The following C10orf90 variants were observed in gnomAD, a reference collection of about 807,000 sequenced individuals.
The protein encoded by C10orf90 is chromosome 10 open reading frame 90.
In C10orf90, 56 loss-of-function variants were observed where a neutral mutation model predicts 62.5. That is an observed-to-expected ratio of 0.90 (90% CI 0.72 to 1.12). The LOEUF is 1.12. C10orf90 is among the 50% of genes most tolerant of loss of function. The pLI is 0.00. For synonymous variants in C10orf90, 386 were observed against 340.4 expected, an observed-to-expected ratio of 1.13 and a Z score of -1.47; for missense variants, 970 against 880.4, an observed-to-expected ratio of 1.10 and a Z score of -1.29.
chr10:126,537,550 G>A (rs1248798152), intron 2 of C10orf90, among the ~76,000 whole-genome samples: 1 of 152,080 alleles, frequency 6.6e-6, no homozygotes, highest in Non-Finnish European at 1.5e-5. Context: ...AAAAGCCTCG[G>A]GTCTGAGCTT....
chr10:126,656,343 C>T (rs1287328751), intron 1 of C10orf90, among the ~76,000 whole-genome samples: 7 of 152,140 alleles, frequency 4.6e-5, no homozygotes, highest in African/African-American at 1.7e-4. Context: ...TTCTCATACA[C>T]AGCTTACTCA....
intron 2 of C10orf90, among the ~76,000 whole-genome samples, chr10:126,594,976 G>T (rs1053725675): frequency 2.1e-4 from 32 of 152,126 alleles, no homozygotes; most frequent in Admixed American, 2.1e-3. Flanking sequence ...ACATGATCAG[G>T]TTCATGCTAA....
At chr10:126,470,376 C>T (rs976654193) in intron 4 of C10orf90, among the ~76,000 whole-genome samples, 1 of 152,180 alleles carries the variant, frequency 6.6e-6, no homozygotes, top group Non-Finnish European at 1.5e-5. Context: ...CCCAAAACCA[C>T]CTCCAATTAC....
At chr10:126,657,625 T>G (rs1846422531) in intron 1 of C10orf90, among the ~76,000 whole-genome samples, 1 of 151,622 alleles carries the variant, frequency 6.6e-6, no homozygotes, top group African/African-American at 2.4e-5. Context: ...TTTTTCTTTT[T>G]TTTTTTTGAG....
intron 2 of C10orf90, among the ~76,000 whole-genome samples, chr10:126,638,369 C>T (rs1239835228): frequency 6.6e-6 from 1 of 152,144 alleles, no homozygotes; most frequent in Non-Finnish European, 1.5e-5. Context: ...CCTCTGAGGA[C>T]TCTGTGTCCT....
At chr10:126,638,535 G>A (rs1403424757) in intron 2 of C10orf90, among the ~76,000 whole-genome samples, 1 of 152,026 alleles carries the variant, frequency 6.6e-6, no homozygotes, top group Non-Finnish European at 1.5e-5. Flanking sequence ...GTCTCATTCT[G>A]CCCACTCCTC....
chr10:126,537,356 G>C (rs906277767), intron 2 of C10orf90, among the ~76,000 whole-genome samples: 12 of 152,186 alleles, frequency 7.9e-5, no homozygotes, highest in African/African-American at 2.9e-4. Context: ...GAATGAGACA[G>C]TTTATGGCCT....
chr10:126,616,055 G>A (rs994627144), intron 2 of C10orf90, among the ~76,000 whole-genome samples: 1 of 152,334 alleles, frequency 6.6e-6, no homozygotes, highest in East Asian at 1.9e-4. Flanking sequence ...AGGCACAAAT[G>A]CGCATCATTT....
intron 2 of C10orf90, among the ~76,000 whole-genome samples, chr10:126,536,801 A>G (rs116628674): frequency 0.011 from 1,688 of 152,298 alleles, 40 homozygotes; most frequent in African/African-American, 0.038. Flanking sequence ...ACCTGGCCAC[A>G]CAAGGAGGCT....
intron 3 of C10orf90, among the ~76,000 whole-genome samples, chr10:126,505,586 G>A (rs1005090907): frequency 6.6e-6 from 1 of 152,120 alleles, no homozygotes. Context: ...CACATTTGCC[G>A]GTTTAGACTC....
intron 2 of C10orf90, among the ~76,000 whole-genome samples, chr10:126,516,325 G>A (rs529516633): frequency 6.6e-6 from 1 of 152,330 alleles, no homozygotes; most frequent in Non-Finnish European, 1.5e-5. Flanking sequence ...GATTGGCAAT[G>A]AGCAGGATCA....
intron 4 of C10orf90, among the ~76,000 whole-genome samples, chr10:126,495,783 A>G (rs953164914): frequency 6.6e-6 from 1 of 152,204 alleles, no homozygotes; most frequent in African/African-American, 2.4e-5. Flanking sequence ...ATCTGTATCT[A>G]GAATACTTTT....
chr10:126,542,883 T>C (rs1448594580), intron 2 of C10orf90, among the ~76,000 whole-genome samples: 3 of 152,242 alleles, frequency 2.0e-5, no homozygotes, highest in Non-Finnish European at 4.4e-5. Context: ...CTTATAGGAT[T>C]CAATGCCACA....
rs187215440 is a variant in C10orf90, at chr10:126,612,598, G to A, written c.313+33967C>T. Reference sequence around the variant, plus strand: ...AATTCTTAGGGATGCCAGATAAAAGGGTGTCTTTTTTATGTAGAAAAGCAC... The same window carrying A: ...AATTCTTAGGGATGCCAGATAAAAGAGTGTCTTTTTTATGTAGAAAAGCAC... On this transcript the variant is annotated intron_variant, in intron 2 of 9. Coordinates refer to ENST00000488181, the MANE Select transcript of C10orf90 (RefSeq NM_001350921.2). Among the ~76,000 whole-genome samples the A allele has an allele frequency of 1.3e-3, 203 of 152,242 alleles. 1 individual carries two copies. Among genetic ancestry groups the A allele is most frequent in the African/African-American group, 4.4e-3 (184 of 41,552 alleles).
chr10:126,551,144 C>A (rs1294741474), intron 2 of C10orf90, among the ~76,000 whole-genome samples: 1 of 152,204 alleles, frequency 6.6e-6, no homozygotes, highest in Non-Finnish European at 1.5e-5. Context: ...AGCTGTAAAA[C>A]CTTGAAGAGG....
chr10:126,611,283 G>C (rs1473346661), intron 2 of C10orf90, among the ~76,000 whole-genome samples: 1 of 152,104 alleles, frequency 6.6e-6, no homozygotes, highest in Non-Finnish European at 1.5e-5. Context: ...CCTTCCCTTA[G>C]CATAATGTAC....
At chr10:126,550,926 C>T (rs1400577508) in intron 2 of C10orf90, among the ~76,000 whole-genome samples, 3 of 152,174 alleles carry the variant, frequency 2.0e-5, no homozygotes, top group Non-Finnish European at 4.4e-5. Flanking sequence ...GATTAATGTG[C>T]CTCTCTTCTG....
chr10:126,442,505 A>ATATATATATATATATATATC (rs1590905259), intron 7 of C10orf90, among the ~76,000 whole-genome samples: 1 of 111,080 alleles, frequency 9.0e-6, no homozygotes, highest in East Asian at 2.8e-4. Flanking sequence ...ATATATATAT[A>ATATATATATATATATATATC]TATCTGTTAA....
intron 2 of C10orf90, among the ~76,000 whole-genome samples, chr10:126,600,924 A>G (rs954679660): frequency 2.0e-5 from 3 of 152,244 alleles, no homozygotes; most frequent in African/African-American, 4.8e-5. Flanking sequence ...AGTAGCCAAG[A>G]TATGGAAACA....
Sources: gnomAD v4.1 joint callset for allele counts (sites outside exome capture counted in the v4.1 genomes callset) on GRCh38, gnomAD v4.1.1 for gene constraint, MANE v1.5 for transcripts, NCBI Gene and HGNC (gene_info 2026-07-23, HGNC 2026-07-21) for gene names.